ANKRD13B: variants seen among roughly 807,000 people sequenced by gnomAD.
ANKRD13B encodes ankyrin repeat domain-containing protein 13B.
ANKRD13B carries 33 observed loss-of-function variants against 74.4 expected under a neutral mutation model. The observed-to-expected ratio is 0.44, with a 90% CI of 0.34 to 0.59. ANKRD13B has a LOEUF of 0.59. Ranked by LOEUF, ANKRD13B falls within the 20% of genes least tolerant of loss-of-function variation. The pLI is 0.02. For missense variants in ANKRD13B, 676 were observed against 877.9 expected, an observed-to-expected ratio of 0.77 and a Z score of 2.91; for synonymous variants, 341 against 362.9, an observed-to-expected ratio of 0.94 and a Z score of 0.68.
Position 29,608,909 on chromosome 17 carries a change from G to C in ANKRD13B, c.480G>C (p.Gln160His), listed in dbSNP as rs748065309. 2.3e-5 allele frequency: 37 copies of C among 1,614,068 alleles called. No individual in the cohort carries two copies. Among genetic ancestry groups the C allele is most frequent in the Non-Finnish European group, 3.0e-5 (35 of 1,180,054 alleles). ...CCTACAAAGTGTGGAAGAGCGGCCAGAACCTGAGGGTAGACACCACACTCC... is the reference window on the plus strand; with the variant it reads ...CCTACAAAGTGTGGAAGAGCGGCCACAACCTGAGGGTAGACACCACACTCC... The part of the protein sequence containing the change: ...SDTYKVWKSG[Q>H]NLRVDTTLLG... Residue 160 changes from glutamine (Q) to histidine (H), a missense_variant, in exon 5 of 15, where the codon CAG (glutamine) becomes CAC (histidine). Physicochemically the swap from Gln to His is conservative, Grantham distance 24. Transcript: ENST00000394859. The surrounding 1 kb of genome is among the most constrained non-coding windows in gnomAD (Gnocchi z 6.4).
Position 29,593,728 on chromosome 17 carries a change from C to T in ANKRD13B, c.107C>T (p.Ala36Val). The T allele has an allele frequency of 1.4e-6, 2 of 1,425,142 alleles. No individual in the cohort carries two copies. The highest frequency in any genetic ancestry group is 1.4e-5 in the South Asian group (1 of 69,950). The allele number at this position is 1,425,142 out of a possible 1,614,324, so 88.3% of individuals were successfully genotyped here. A position where few individuals can be genotyped will look rare whatever the true frequency, so the allele number is the denominator to read the frequency against. Residue 36 changes from alanine to valine, a missense_variant, in exon 1 of 15, where the codon GCG becomes GTG. Physicochemically the swap from Ala to Val is moderately conservative, Grantham distance 64. This residue lies in a region of ANKRD13B where 88 missense variants were observed against 87.8 expected (regional missense o/e 1.00). Coordinates refer to ENST00000394859, the MANE Select transcript of ANKRD13B (RefSeq NM_152345.5). ...RHRELEKEVRAGQVDIEQLDP... is the reference protein window; with the variant it reads ...RHRELEKEVRVGQVDIEQLDP... The stretch of plus-strand genomic sequence containing the variant: ...CGCGAGCTGGAGAAGGAGGTCCGCG[C>T]GGGCCAGGTAGGAGCGCCTTCGGGG...
chr17:29,606,270 T>C (rs571645316), intron 1 of ANKRD13B, among the ~76,000 whole-genome samples: 1 of 150,642 alleles, frequency 6.6e-6, no homozygotes, highest in Non-Finnish European at 1.5e-5. Context: ...TAAATACTTA[T>C]GCTTAAGACC....
chr17:29,593,773 C>T lies in ANKRD13B; in HGVS notation c.114+38C>T, dbSNP rs756892352. The T allele has an allele frequency of 1.8e-5, 22 of 1,256,182 alleles. No homozygotes were observed. In the African/African-American group the frequency reaches 3.2e-4, roughly 18 times the overall value. 77.8% of individuals were successfully genotyped at this position (1,256,182 alleles called of 1,614,324 possible). Reference sequence around the variant, plus strand: ...TCGGGGCGCCGCGGGGACCCCGCGGCCGGGCACGCCCGTCCGGCCTGGGGA... The same window carrying T: ...TCGGGGCGCCGCGGGGACCCCGCGGTCGGGCACGCCCGTCCGGCCTGGGGA... On this transcript the variant is annotated intron_variant, in intron 1 of 14. Coordinates refer to ENST00000394859, the MANE Select transcript of ANKRD13B (RefSeq NM_152345.5).
In ANKRD13B at chr17:29,611,598, G is replaced by A; in HGVS notation, c.924G>A (p.Gln308=). Residue 308 remains glutamine (Q), a synonymous_variant, in exon 9 of 15, where the codon CAG becomes CAA. Transcript: ENST00000394859. This position sits in a 1 kb window ranked among gnomAD's most constrained non-coding sequence, Gnocchi z 4.3. ...TTGTAGGCTGTAAGACACCTTTGCA[G>A]TCCTTCCTGGGAATCGCTGAGCAGC... The part of the protein sequence containing the change: ...GKVKGCKTPL[Q]SFLGIAEQHG... 1 of 1,614,202 alleles carries A rather than the reference G, an allele frequency of 6.2e-7. No individual in the cohort carries two copies. Among genetic ancestry groups the A allele is most frequent in the Non-Finnish European group, 8.5e-7 (1 of 1,180,028 alleles).
intron 1 of ANKRD13B, among the ~76,000 whole-genome samples, chr17:29,604,912 T>A (rs1192565085): frequency 6.6e-6 from 1 of 152,232 alleles, no homozygotes; most frequent in Non-Finnish European, 1.5e-5. Context: ...TTAGCTCTAC[T>A]GCTAAGGCAT....
At position 29,593,724 on chromosome 17, in the gene ANKRD13B, C is replaced by T. The variant is rs2033846769; in HGVS notation, c.103C>T (p.Arg35Cys). ...CCACCGCGAGCTGGAGAAGGAGGTC[C>T]GCGCGGGCCAGGTAGGAGCGCCTTC... is the stretch of plus-strand genomic sequence containing the variant. ...NRHRELEKEV[R>C]AGQVDIEQLD... The change falls in exon 1 of 15, where the codon CGC (arginine) becomes TGC (cysteine). Residue 35 changes from arginine (R) to cysteine (C), a missense_variant. This residue lies in a region of ANKRD13B where 88 missense variants were observed against 87.8 expected (regional missense o/e 1.00). Transcript: ENST00000394859. The T allele has an allele frequency of 5.6e-6, 8 of 1,427,072 alleles. No individual in the cohort carries two copies. Among genetic ancestry groups the T allele is most frequent in the Non-Finnish European group, 7.4e-6 (8 of 1,079,526 alleles). The allele number at this position is 1,427,072 out of a possible 1,614,324, so 88.4% of individuals were successfully genotyped here.
At chr17:29,607,316 C>T (rs888710213) in intron 1 of ANKRD13B, among the ~76,000 whole-genome samples, 4 of 152,226 alleles carry the variant, frequency 2.6e-5, no homozygotes, top group Middle Eastern at 3.4e-3. Flanking sequence ...GGTAGCTCTT[C>T]CTGAAGGTGG....
chr17:29,597,788 T>C (rs909441473), intron 1 of ANKRD13B, among the ~76,000 whole-genome samples: 1 of 152,020 alleles, frequency 6.6e-6, no homozygotes, highest in African/African-American at 2.4e-5. Context: ...ATGGGGTGTA[T>C]GGGGTGCTGA....
rs368970918 is a variant in ANKRD13B at position 29,607,780 on chromosome 17, C to T, written c.153C>T (p.Pro51=). The change falls in exon 2 of 15, where the codon CCC becomes CCT. Residue 51 remains proline, a synonymous_variant. Transcript: ENST00000394859. ...IEQLDPRGRT[P]LHLATTLGHL... is the part of the protein sequence containing the mutation. Reference sequence around the variant, plus strand: ...AGCTGGATCCCCGCGGCCGGACTCCCCTGCACCTGGCCACCACGCTGGGGC... The same window carrying T: ...AGCTGGATCCCCGCGGCCGGACTCCTCTGCACCTGGCCACCACGCTGGGGC... 2 of 1,602,600 alleles carry T rather than the reference C, an allele frequency of 1.2e-6. No homozygotes were observed. The highest frequency in any genetic ancestry group is 1.7e-6 in the Non-Finnish European group (2 of 1,179,800).
In ANKRD13B at chr17:29,608,322, T is replaced by A; in HGVS notation, c.421+82T>A. ...CTCCCCTGCCTGGAATGTGTTCTCA[T>A]AGTTCTTCCGGCGGTTCCCTCTATG... On this transcript the variant is annotated intron_variant, in intron 4 of 14. Coordinates refer to ENST00000394859, the MANE Select transcript of ANKRD13B (RefSeq NM_152345.5). The surrounding 1 kb of genome is among the most constrained non-coding windows in gnomAD (Gnocchi z 6.4). The A allele has an allele frequency of 6.3e-7, 1 of 1,577,916 alleles. No homozygotes were observed.
chr17:29,600,002 G>C lies in ANKRD13B; in HGVS notation c.114+6267G>C, dbSNP rs374976780. Among the ~76,000 whole-genome samples, 32 of 143,184 alleles carry C rather than the reference G, an allele frequency of 2.2e-4. No homozygotes were observed. In the East Asian group the frequency reaches 6.4e-3, roughly 29 times the overall value. The allele number at this position is 143,184 out of a possible 152,430, so 93.9% of individuals were successfully genotyped here. On this transcript the variant is annotated intron_variant, in intron 1 of 14. Transcript: ENST00000394859. ...CACCATTCTCCTGCCTCAGCCTCCC[G>C]AGTAGCTGTGACTACAGGCGCCCGC...
rs750671651 is a variant in ANKRD13B at position 29,612,367 on chromosome 17, T to C, written c.1259-35T>C. ...GGGCTGAGGCTGAGGTGTGAGGGGCTGAGTGGTGGCGCCTAAAGGTTTCCT... is the reference window on the plus strand; with the variant it reads ...GGGCTGAGGCTGAGGTGTGAGGGGCCGAGTGGTGGCGCCTAAAGGTTTCCT... On this transcript the variant is annotated intron_variant, in intron 11 of 14. Coordinates refer to ENST00000394859, the MANE Select transcript of ANKRD13B (RefSeq NM_152345.5). This position sits in a 1 kb window ranked among gnomAD's most constrained non-coding sequence, Gnocchi z 6.1. 12 of 1,611,934 alleles carry C rather than the reference T, an allele frequency of 7.4e-6. No homozygotes were observed. In the African/African-American group the frequency reaches 1.5e-4, roughly 20 times the overall value.
At chr17:29,593,895 A>ATGGGTGGGGGCCCGGCCCGC in intron 1 of ANKRD13B, 160 bp downstream of exon 1, 1 of 315,506 alleles carries the variant, frequency 3.2e-6, no homozygotes, top group Non-Finnish European at 5.6e-6. Flanking sequence ...GGAAAGGGTG[A>ATGGGTGGGGGCCCGGCCCGC]TCCCCTCCGG....
At position 29,612,957 on chromosome 17, in the gene ANKRD13B, A is replaced by G. The variant is rs956343807; in HGVS notation, c.1646A>G (p.Gln549Arg). The change falls in exon 14 of 15, where the codon CAG (glutamine) becomes CGG (arginine). Residue 549 changes from glutamine to arginine, a missense_variant. Around this residue, in one of 4 missense-constraint regions of ANKRD13B, gnomAD observed 152 missense variants for 181.4 expected, o/e 0.84. Coordinates refer to ENST00000394859, the MANE Select transcript of ANKRD13B (RefSeq NM_152345.5). The surrounding 1 kb of genome is among the most constrained non-coding windows in gnomAD (Gnocchi z 6.1). ...CCCATGTCCTACGAGGGTCGCCGAC[A>G]GGACAGGTCAGTGCCCGCTGGGCCG... ...THPMSYEGRR[Q>R]DRSAPPTPQR... 1.3e-6 allele frequency: 2 copies of G among 1,597,348 alleles called. No homozygotes were observed. Among genetic ancestry groups the G allele is most frequent in the Non-Finnish European group, 1.7e-6 (2 of 1,179,404 alleles).
rs910471903 is a variant in ANKRD13B at position 29,609,634 on chromosome 17, CATTT to C, written c.822+217_822+220del. On this transcript the variant is annotated intron_variant, in intron 7 of 14. Transcript: ENST00000394859. The surrounding 1 kb of genome is among the most constrained non-coding windows in gnomAD (Gnocchi z 4.0). ...ACGTGCACACGCACACACACACACA[CATTT>C]ATTCCTCACAGCAACCCTTTCTGGT... Among the ~76,000 whole-genome samples the C allele has an allele frequency of 2.6e-5, 4 of 152,254 alleles. No individual in the cohort carries two copies. The highest frequency in any genetic ancestry group is 9.6e-5 in the African/African-American group (4 of 41,468).
chr17:29,603,410 TA>T (rs1340697406), intron 1 of ANKRD13B, among the ~76,000 whole-genome samples: 1 of 152,154 alleles, frequency 6.6e-6, no homozygotes, highest in Non-Finnish European at 1.5e-5. Context: ...CCAGCTAATG[TA>T]AAAGTTGTTT....
rs2034749255 is a variant in ANKRD13B at position 29,614,629 on chromosome 17, A to G, written c.*1047A>G. ...TGGGACTGGCCTTCCCGGCTCAGCC[A>G]GTGAGGCTCAGAAGGGACACAAAGA... On this transcript the variant is annotated 3_prime_UTR_variant, in exon 15 of 15. Coordinates refer to ENST00000394859, the MANE Select transcript of ANKRD13B (RefSeq NM_152345.5). 6.6e-6 allele frequency: 1 copy of G among 152,228 alleles called. No individual in the cohort carries two copies. The highest frequency in any genetic ancestry group is 1.5e-5 in the Non-Finnish European group (1 of 68,004). The allele number at this position is 152,228 out of a possible 1,614,324, so 9.4% of individuals were successfully genotyped here.
intron 1 of ANKRD13B, chr17:29,594,182 C>G (rs1286609605): frequency 6.6e-6 from 1 of 152,466 alleles, no homozygotes; most frequent in African/African-American, 2.4e-5. Context: ...CACCCAGCGC[C>G]CTCTCCCCAA....
Position 29,612,672 on chromosome 17 carries a change from A to G in ANKRD13B, c.1432A>G (p.Ile478Val). 2 of 1,568,164 alleles carry G rather than the reference A, an allele frequency of 1.3e-6. No homozygotes were observed. Among genetic ancestry groups the G allele is most frequent in the Non-Finnish European group, 1.7e-6 (2 of 1,162,804 alleles). The change falls in exon 13 of 15, where the codon ATC (isoleucine) becomes GTC (valine). Residue 478 changes from isoleucine to valine, a missense_variant. Physicochemically the swap from Ile to Val is conservative, Grantham distance 29. This residue lies in a region of ANKRD13B where 152 missense variants were observed against 181.4 expected (regional missense o/e 0.84). Coordinates refer to ENST00000394859, the MANE Select transcript of ANKRD13B (RefSeq NM_152345.5). This position sits in a 1 kb window ranked among gnomAD's most constrained non-coding sequence, Gnocchi z 6.1. ...SSTTSCRGCEISPALFEAPRG... is the reference protein window; with the variant it reads ...SSTTSCRGCEVSPALFEAPRG... Reference sequence around the variant, plus strand: ...CCCAGCCTCCTGCCGCGGCTGCGAGATCTCCCCAGCGTTGTTCGAGGCCCC... The same window carrying G: ...CCCAGCCTCCTGCCGCGGCTGCGAGGTCTCCCCAGCGTTGTTCGAGGCCCC...
Sources: allele counts gnomAD v4.1 joint callset (sites outside exome capture counted in the v4.1 genomes callset), GRCh38; gene constraint gnomAD v4.1.1; regional missense constraint gnomAD v4.1.1; non-coding constraint Gnocchi (gnomAD v3.1); transcripts MANE v1.5; gene names NCBI Gene and HGNC (gene_info 2026-07-23, HGNC 2026-07-21).